The following TMEM196 variants were observed in gnomAD, a reference collection of about 807,000 sequenced individuals.
TMEM196 encodes the protein transmembrane protein 196.
TMEM196 carries 17 observed loss-of-function variants against 20.0 expected under a neutral mutation model. The ratio of observed to expected loss-of-function variants is 0.85; its 90% confidence interval spans 0.58 to 1.27. The LOEUF (loss-of-function observed/expected upper bound fraction) is 1.27. Among genes scored for constraint, TMEM196 ranks in the 50% most tolerant of loss-of-function variants. The probability of loss-of-function intolerance (pLI) is 0.00; values close to 1 mark genes in which losing one functional copy is unlikely to be tolerated. For synonymous variants in TMEM196, 113 were observed against 88.9 expected, an observed-to-expected ratio of 1.27 and a Z score of -1.52; for missense variants, 267 against 223.0, an observed-to-expected ratio of 1.20 and a Z score of -1.26.
intron 1 of TMEM196, among the ~76,000 whole-genome samples, chr7:19,745,365 C>CTCTAAT (rs1784715704): frequency 6.6e-6 from 1 of 152,014 alleles, no homozygotes; most frequent in African/African-American, 2.4e-5. Flanking sequence ...CACCTTGTCA[C>CTCTAAT]AAAATACTCT....
rs550715392 is a variant in TMEM196 at position 19,719,438 on chromosome 7, C to G, written c.*2690G>C. Reference sequence around the variant, plus strand: ...GTATGTATATGCATATATATACACACATACACATATATGTTTAAAATTTCC... The same window carrying G: ...GTATGTATATGCATATATATACACAGATACACATATATGTTTAAAATTTCC... On this transcript the variant is annotated 3_prime_UTR_variant, in exon 5 of 5. Coordinates refer to ENST00000405844, the MANE Select transcript of TMEM196 (RefSeq NM_001363562.2). 6.8e-6 allele frequency: 1 copy of G among 148,112 alleles called. No individual in the cohort carries two copies. The highest frequency in any genetic ancestry group is 1.5e-5 in the Non-Finnish European group (1 of 65,518). 9.2% of individuals were successfully genotyped at this position (148,112 alleles called of 1,614,324 possible). A position where few individuals can be genotyped will look rare whatever the true frequency, so the allele number is the denominator to read the frequency against.
At chr7:19,755,904 C>T (rs1456408521) in intron 1 of TMEM196, among the ~76,000 whole-genome samples, 1 of 152,092 alleles carries the variant, frequency 6.6e-6, no homozygotes, top group Non-Finnish European at 1.5e-5. Context: ...TGGCATATGC[C>T]TGTAATCCCA....
At chr7:19,760,079 G>C (rs1476444425) in intron 1 of TMEM196, among the ~76,000 whole-genome samples, 4 of 151,986 alleles carry the variant, frequency 2.6e-5, no homozygotes, top group Non-Finnish European at 4.4e-5. Flanking sequence ...CCCCTATTAG[G>C]CTCACTATCT....
At chr7:19,722,258 A>G (rs1783839053) in intron 4 of TMEM196, 124 bp from the exon 5 acceptor site, 3 of 736,174 alleles carry the variant, frequency 4.1e-6, no homozygotes, top group Non-Finnish European at 6.8e-6. Context: ...GGGGAAAGAC[A>G]AGGATATTGC....
At position 19,748,929 on chromosome 7, in the gene TMEM196, T is replaced by C. The variant is rs565521066; in HGVS notation, c.148-19491A>G. On this transcript the variant is annotated intron_variant, in intron 1 of 4. Transcript: ENST00000405844. Reference sequence around the variant, plus strand: ...TCACAATAAAATGTTTATATGACTATTTTCAATTTAATAAAATATTGGAAT... The same window carrying C: ...TCACAATAAAATGTTTATATGACTACTTTCAATTTAATAAAATATTGGAAT... 2.1e-4 allele frequency among the ~76,000 whole-genome samples: 32 copies of C among 152,334 alleles called. No homozygotes were observed. The South Asian group carries it at 6.0e-3, about 29-fold the overall frequency.
chr7:19,737,392 T>A (rs1230063718), intron 1 of TMEM196, among the ~76,000 whole-genome samples: 1 of 152,010 alleles, frequency 6.6e-6, no homozygotes, highest in Non-Finnish European at 1.5e-5. Context: ...AGCCACTATG[T>A]AAAACAAGAT....
chr7:19,738,089 C>T (rs1784468547), intron 1 of TMEM196, among the ~76,000 whole-genome samples: 2 of 151,878 alleles, frequency 1.3e-5, no homozygotes, highest in African/African-American at 4.8e-5. Context: ...ATCTGTAAAA[C>T]TGAAGAAAAG....
chr7:19,756,503 G>A (rs1301991547), intron 1 of TMEM196, among the ~76,000 whole-genome samples: 1 of 151,830 alleles, frequency 6.6e-6, no homozygotes, highest in Non-Finnish European at 1.5e-5. Flanking sequence ...TATTTTTCCT[G>A]ATCCTCTCCC....
intron 3 of TMEM196, 86 bp downstream of exon 3, chr7:19,725,428 G>C: frequency 2.1e-6 from 3 of 1,458,608 alleles, no homozygotes; most frequent in Non-Finnish European, 2.8e-6. Context: ...CTCAAATTGT[G>C]ATCTAAAGTT....
chr7:19,749,640 C>T (rs1400415663), intron 1 of TMEM196, among the ~76,000 whole-genome samples: 2 of 152,144 alleles, frequency 1.3e-5, no homozygotes, highest in Admixed American at 6.6e-5. Flanking sequence ...TATCCATCAT[C>T]TCTTTCAATG....
chr7:19,741,079 C>T (rs532939246), intron 1 of TMEM196, among the ~76,000 whole-genome samples: 24 of 152,064 alleles, frequency 1.6e-4, no homozygotes, highest in Non-Finnish European at 2.8e-4. Flanking sequence ...GATAGTCTCT[C>T]GACCCTCTAG....
In TMEM196 at chr7:19,721,728, C is replaced by T. The variant is rs1211212276; in HGVS notation, c.*400G>A. The T allele has an allele frequency of 1.7e-5, 3 of 173,630 alleles. No homozygotes were observed. Among genetic ancestry groups the T allele is most frequent in the African/African-American group, 7.1e-5 (3 of 42,018 alleles). The allele number at this position is 173,630 out of a possible 1,614,324, so 10.8% of individuals were successfully genotyped here. On this transcript the variant is annotated 3_prime_UTR_variant, in exon 5 of 5. Transcript: ENST00000405844. ...TTGATATTTGCACTTTTCAATTACTCATATGAAATATGTCATTACAAATAT... is the reference window on the plus strand; with the variant it reads ...TTGATATTTGCACTTTTCAATTACTTATATGAAATATGTCATTACAAATAT...
At chr7:19,745,622 C>A (rs550880433) in intron 1 of TMEM196, among the ~76,000 whole-genome samples, 2 of 150,822 alleles carry the variant, frequency 1.3e-5, no homozygotes, top group South Asian at 4.2e-4. Flanking sequence ...TTAATATTTT[C>A]AAAGAGACAT....
At chr7:19,725,474 A>G in intron 3 of TMEM196, 40 bp downstream of exon 3, 1 of 1,568,562 alleles carries the variant, frequency 6.4e-7, no homozygotes, top group Non-Finnish European at 8.7e-7. Context: ...TTCAGTCTTC[A>G]TCATGTGCTA....
chr7:19,756,014 C>A (rs73261310), intron 1 of TMEM196, among the ~76,000 whole-genome samples: 4,299 of 145,420 alleles, frequency 0.03, 163 homozygotes, highest in East Asian at 0.19. Flanking sequence ...CCAGCCTGGA[C>A]AGCAGAGTGA....
chr7:19,721,153 A>G lies in TMEM196; in HGVS notation c.*975T>C, dbSNP rs568874758. The G allele has an allele frequency of 2.0e-5, 3 of 152,036 alleles. No individual in the cohort carries two copies. Among genetic ancestry groups the G allele is most frequent in the Non-Finnish European group, 4.4e-5 (3 of 67,794 alleles). 9.4% of individuals were successfully genotyped at this position (152,036 alleles called of 1,614,324 possible). A position where few individuals can be genotyped will look rare whatever the true frequency, so the allele number is the denominator to read the frequency against. ...ACAAAACCTAATTAAAAGAAGAAAA[A>G]TGGGCAATTTTAGTAGAAATTAAAC... On this transcript the variant is annotated 3_prime_UTR_variant, in exon 5 of 5. Transcript: ENST00000405844.
At chr7:19,736,383 A>T (rs1203332437) in intron 1 of TMEM196, among the ~76,000 whole-genome samples, 2 of 54,220 alleles carry the variant, frequency 3.7e-5, no homozygotes, top group Non-Finnish European at 6.4e-5. Flanking sequence ...ATATATATAT[A>T]TATATATATA....
At chr7:19,730,274 A>G (rs1459313028) in intron 1 of TMEM196, among the ~76,000 whole-genome samples, 1 of 152,004 alleles carries the variant, frequency 6.6e-6, no homozygotes, top group African/African-American at 2.4e-5. Context: ...AAAAAAAAAA[A>G]AAGAACACAA....
chr7:19,748,763 C>A (rs1436195996), intron 1 of TMEM196, among the ~76,000 whole-genome samples: 1 of 152,068 alleles, frequency 6.6e-6, no homozygotes, highest in East Asian at 1.9e-4. Flanking sequence ...TTGGAGTGGT[C>A]TACTAGAATG....
Sources: gnomAD v4.1 joint callset for allele counts (sites outside exome capture counted in the v4.1 genomes callset) on GRCh38, gnomAD v4.1.1 for gene constraint, MANE v1.5 for transcripts, NCBI Gene and HGNC (gene_info 2026-07-23, HGNC 2026-07-21) for gene names.